The following MAPK8 variants were observed in gnomAD, a reference collection of about 807,000 sequenced individuals.
MAPK8 encodes the protein mitogen-activated protein kinase 8, also known as JUN N-terminal kinase.
Under a neutral mutation model 52.9 loss-of-function variants are expected in MAPK8, and 13 were observed. That is an observed-to-expected ratio of 0.25 (90% CI 0.16 to 0.39). The LOEUF is 0.39. Ranked by LOEUF, MAPK8 falls within the 10% of genes least tolerant of loss-of-function variation. The probability of loss-of-function intolerance (pLI) is 1.00; values close to 1 mark genes in which losing one functional copy is unlikely to be tolerated. For synonymous variants in MAPK8, 191 were observed against 169.8 expected (o/e 1.12, Z -0.97); for missense variants, 300 against 519.2 (o/e 0.58, Z 4.10).
At chr10:48,401,987 C>A (rs1227913936) in intron 2 of MAPK8, among the ~76,000 whole-genome samples, 2 of 152,036 alleles carry the variant, frequency 1.3e-5, no homozygotes, top group African/African-American at 4.8e-5. Flanking sequence ...GGTTGAGTAT[C>A]CCTTATCTGA....
At chr10:48,377,029 C>G (rs969530354) in intron 1 of MAPK8, among the ~76,000 whole-genome samples, 8 of 152,078 alleles carry the variant, frequency 5.3e-5, no homozygotes, top group Admixed American at 3.3e-4. Flanking sequence ...ATGGAATACT[C>G]CACAGCCATA....
At chr10:48,331,979 G>A (rs900711550) in intron 1 of MAPK8, among the ~76,000 whole-genome samples, 6 of 152,214 alleles carry the variant, frequency 3.9e-5, no homozygotes, top group African/African-American at 1.4e-4. Context: ...CCAGAGGAAG[G>A]GGGATGCCAA....
chr10:48,418,631 T>A (rs1425441195), intron 5 of MAPK8, among the ~76,000 whole-genome samples: 2 of 152,004 alleles, frequency 1.3e-5, no homozygotes, highest in Admixed American at 1.3e-4. Flanking sequence ...GCTAGAAAAA[T>A]TGGGGGAAGA....
chr10:48,347,645 G>A (rs1340155674), intron 1 of MAPK8, among the ~76,000 whole-genome samples: 3 of 152,190 alleles, frequency 2.0e-5, no homozygotes, highest in Non-Finnish European at 4.4e-5. Context: ...AGAACATGTG[G>A]TGGTTGGTTT....
intron 1 of MAPK8, among the ~76,000 whole-genome samples, chr10:48,325,709 T>G (rs1843453983): frequency 6.6e-6 from 1 of 152,260 alleles, no homozygotes; most frequent in Non-Finnish European, 1.5e-5. Context: ...TTCTTAGTTT[T>G]TAGCTAGTGT....
intron 5 of MAPK8, among the ~76,000 whole-genome samples, chr10:48,414,665 C>T (rs2042966126): frequency 6.7e-6 from 1 of 150,066 alleles, no homozygotes; most frequent in African/African-American, 2.5e-5. Flanking sequence ...CAGCCTTTAC[C>T]TCCTGGGCTC....
At chr10:48,333,240 A>G (rs1390995470) in intron 1 of MAPK8, among the ~76,000 whole-genome samples, 1 of 152,218 alleles carries the variant, frequency 6.6e-6, no homozygotes, top group African/African-American at 2.4e-5. Context: ...TTCTAGTAAT[A>G]CAGCCTCATA....
chr10:48,355,460 G>T (rs1455701833), intron 1 of MAPK8, among the ~76,000 whole-genome samples: 1 of 140,954 alleles, frequency 7.1e-6, no homozygotes, highest in African/African-American at 2.7e-5. Flanking sequence ...AGTGAGCCGA[G>T]ATTGCGCCAC....
chr10:48,385,965 TAA>T (rs895053657), intron 1 of MAPK8, among the ~76,000 whole-genome samples: 1 of 151,376 alleles, frequency 6.6e-6, no homozygotes, highest in East Asian at 1.9e-4. Flanking sequence ...TACCTAGCGT[TAA>T]AAAAAAATCT....
At chr10:48,313,525 A>G (rs1842186769) in intron 1 of MAPK8, among the ~76,000 whole-genome samples, 2 of 146,232 alleles carry the variant, frequency 1.4e-5, no homozygotes, top group Non-Finnish European at 3.0e-5. Context: ...GTGAATAAAG[A>G]TTATAAAATC....
At chr10:48,342,602 G>A (rs2132349865) in intron 1 of MAPK8, among the ~76,000 whole-genome samples, 1 of 152,288 alleles carries the variant, frequency 6.6e-6, no homozygotes, top group South Asian at 2.1e-4. Context: ...AGACATGATG[G>A]TAGCTTGAAA....
chr10:48,312,415 A>G (rs1388464148), intron 1 of MAPK8, among the ~76,000 whole-genome samples: 1 of 152,208 alleles, frequency 6.6e-6, no homozygotes, highest in Non-Finnish European at 1.5e-5. Flanking sequence ...GTCTCTCTCC[A>G]GTATTGAGAA....
At chr10:48,427,240 A>G (rs1242397359) in intron 10 of MAPK8, 97 bp downstream of exon 10, 11 of 763,542 alleles carry the variant, frequency 1.4e-5, no homozygotes, top group Non-Finnish European at 2.2e-5. Context: ...TGACTTTAAT[A>G]TGCATAACCG....
intron 11 of MAPK8, among the ~76,000 whole-genome samples, chr10:48,434,326 C>G (rs2044650770): frequency 6.6e-6 from 1 of 152,146 alleles, no homozygotes; most frequent in African/African-American, 2.4e-5. Context: ...AGGTTTCTTC[C>G]TGTTAAACTT....
intron 2 of MAPK8, among the ~76,000 whole-genome samples, chr10:48,402,728 A>G (rs866082763): frequency 2.9e-4 from 44 of 152,332 alleles, no homozygotes; most frequent in African/African-American, 9.1e-4. Context: ...ATAATCCAGT[A>G]TTTCTCCTAG....
At chr10:48,355,499 A>T (rs1465813989) in intron 1 of MAPK8, among the ~76,000 whole-genome samples, 2 of 115,332 alleles carry the variant, frequency 1.7e-5, no homozygotes, top group Non-Finnish European at 3.5e-5. Context: ...ACAGAGCCAG[A>T]TTCCGTCTCA....
At chr10:48,311,793 T>A (rs148856224) in intron 1 of MAPK8, among the ~76,000 whole-genome samples, 1 of 152,348 alleles carries the variant, frequency 6.6e-6, no homozygotes, top group East Asian at 1.9e-4. Context: ...GTCTTCTGTT[T>A]AGCGTTTCTA....
intron 1 of MAPK8, among the ~76,000 whole-genome samples, chr10:48,333,643 A>G (rs1202258148): frequency 6.9e-6 from 1 of 145,940 alleles, no homozygotes; most frequent in Non-Finnish European, 1.5e-5. Context: ...TCCTCTTCTA[A>G]TAACTTGACC....
intron 5 of MAPK8, among the ~76,000 whole-genome samples, chr10:48,413,816 T>TAC (rs1491560872): frequency 5.5e-4 from 4 of 7,328 alleles, no homozygotes; most frequent in Non-Finnish European, 1.1e-3. Context: ...CCAGAATTGT[T>TAC]ATATATATAT....
Sources: allele counts gnomAD v4.1 joint callset (sites outside exome capture counted in the v4.1 genomes callset), GRCh38; gene constraint gnomAD v4.1.1; transcripts MANE v1.5; gene names NCBI Gene and HGNC (gene_info 2026-07-23, HGNC 2026-07-21).